The following FBP1 variants were observed in gnomAD, a reference collection of about 807,000 sequenced individuals.
FBP1 encodes fructose-bisphosphatase 1.
In FBP1, 22 loss-of-function variants were observed where a neutral mutation model predicts 29.9. The ratio of observed to expected loss-of-function variants is 0.74; its 90% CI spans 0.53 to 1.05. FBP1 has a LOEUF of 1.05. Ranked by LOEUF, FBP1 falls within the 50% of genes least tolerant of loss-of-function variation. The pLI is 0.00. For missense variants in FBP1, 345 were observed against 448.2 expected (o/e 0.77, Z 2.08); for synonymous variants, 175 against 178.6 (o/e 0.98, Z 0.16).
intron 6 of FBP1, among the ~76,000 whole-genome samples, chr9:94,604,765 C>T (rs746915674): frequency 3.3e-5 from 5 of 152,132 alleles, no homozygotes; most frequent in Non-Finnish European, 7.3e-5. Context: ...GCCTGGGCGA[C>T]GAGTAAGACT....
At chr9:94,620,562 C>A (rs1827932240) in intron 1 of FBP1, 71 bp from the exon 2 acceptor site, 9 of 1,440,064 alleles carry the variant, frequency 6.2e-6, no homozygotes, top group Non-Finnish European at 7.7e-6. Flanking sequence ...ATAAACCCAC[C>A]AAAAGTGAGT....
At position 94,620,534 on chromosome 9, in the gene FBP1, G is replaced by A; in HGVS notation, c.171-43C>T. On this transcript the variant is annotated intron_variant, in intron 1 of 6. Coordinates refer to ENST00000375326, the MANE Select transcript of FBP1 (RefSeq NM_000507.4). ...CACAAAAAATAAGCCATGACCACCA[G>A]AACATGTAGATGAGTCCATAAACCC... 1.9e-6 allele frequency: 3 copies of A among 1,599,346 alleles called. No individual in the cohort carries two copies. The Admixed American group carries it at 5.1e-5, about 27-fold the overall frequency.
At chr9:94,611,221 A>G (rs1015310589) in intron 3 of FBP1, among the ~76,000 whole-genome samples, 1 of 152,104 alleles carries the variant, frequency 6.6e-6, no homozygotes, top group African/African-American at 2.4e-5. Context: ...CCCCAAACAA[A>G]TCTTTCAGCT....
intron 1 of FBP1, among the ~76,000 whole-genome samples, chr9:94,633,666 C>T (rs1430728014): frequency 6.6e-6 from 1 of 152,142 alleles, no homozygotes; most frequent in African/African-American, 2.4e-5. Flanking sequence ...GCTCCACAGT[C>T]CTTCACCATG....
At chr9:94,630,091 T>C (rs899823140) in intron 1 of FBP1, among the ~76,000 whole-genome samples, 1 of 152,216 alleles carries the variant, frequency 6.6e-6, no homozygotes, top group African/African-American at 2.4e-5. Flanking sequence ...CACATCTGAA[T>C]GTGCCTCTGG....
chr9:94,639,098 G>C (rs1219412898), intron 1 of FBP1, 43 bp downstream of exon 1: 1 of 1,557,518 alleles, frequency 6.4e-7, no homozygotes, highest in East Asian at 2.4e-5. Flanking sequence ...GGCTCCCCAG[G>C]CAGACAGACA....
intron 3 of FBP1, among the ~76,000 whole-genome samples, chr9:94,613,171 T>G (rs1827810400): frequency 6.6e-6 from 1 of 152,004 alleles, no homozygotes; most frequent in African/African-American, 2.4e-5. Context: ...GCTTTTGTGG[T>G]GGGAGCTGTA....
At position 94,615,155 on chromosome 9, in the gene FBP1, G is replaced by A. The variant is rs989871730; in HGVS notation, c.426+2613C>T. Among the ~76,000 whole-genome samples, 7 of 152,060 alleles carry A rather than the reference G, an allele frequency of 4.6e-5. No homozygotes were observed. The East Asian group carries it at 7.7e-4, about 17-fold the overall frequency. On this transcript the variant is annotated intron_variant, in intron 3 of 6. Transcript: ENST00000375326. ...AATCTCCTGACCTCGTGATCCGCCC[G>A]CCTGGGCCTCCCAAAGTGCTGGGAT...
chr9:94,603,384 C>G lies in FBP1; in HGVS notation c.1014G>C (p.Gln338His). 1 of 1,613,298 alleles carries G rather than the reference C, an allele frequency of 6.2e-7. No individual in the cohort carries two copies. The change falls in exon 7 of 7, where the codon CAG (glutamine) becomes CAC (histidine). Residue 338 changes from glutamine to histidine, a missense_variant. Gln to His is a conservative substitution (Grantham distance 24). Transcript: ENST00000375326. ...CGGATGCAGGCAGGGCAGGTGCTCA[C>G]TGGGCAGAGTGCTTCTCATACACCT... ...FLKVYEKHSA[Q>H]
chr9:94,630,701 C>G (rs2131500515), intron 1 of FBP1, among the ~76,000 whole-genome samples: 1 of 152,320 alleles, frequency 6.6e-6, no homozygotes, highest in Non-Finnish European at 1.5e-5. Flanking sequence ...CCTCTAGCTC[C>G]CTTGGCATAA....
At chr9:94,609,798 T>A in intron 4 of FBP1, 123 bp downstream of exon 4, 1 of 1,089,328 alleles carries the variant, frequency 9.2e-7, no homozygotes, top group Non-Finnish European at 1.4e-6. Context: ...CCACACATCA[T>A]CATCTCTGTC....
At chr9:94,637,408 T>TTG (rs1554682615) in intron 1 of FBP1, among the ~76,000 whole-genome samples, 1 of 151,744 alleles carries the variant, frequency 6.6e-6, no homozygotes, top group Non-Finnish European at 1.5e-5. Context: ...TCTTTTTTTT[T>TTG]TTTTTTTAAG....
At chr9:94,611,749 T>A (rs1827789563) in intron 3 of FBP1, among the ~76,000 whole-genome samples, 1 of 152,150 alleles carries the variant, frequency 6.6e-6, no homozygotes, top group Non-Finnish European at 1.5e-5. Context: ...AGAACCTGCC[T>A]CTTTAAGAAA....
At chr9:94,639,682 G>A (rs1323205482), upstream of FBP1, among the ~76,000 whole-genome samples, 1 of 110,068 alleles carries the variant, frequency 9.1e-6, no homozygotes, top group Non-Finnish European at 1.9e-5. Context: ...CCCAACCCCC[G>A]CCCCCACGCG....
chr9:94,616,917 CCT>C (rs57093330), intron 3 of FBP1, among the ~76,000 whole-genome samples: 26 of 149,176 alleles, frequency 1.7e-4, no homozygotes, highest in African/African-American at 2.7e-4. Context: ...TCCTCTCTCT[CCT>C]CTCTCTCTCT....
chr9:94,629,224 C>T (rs1373620198), intron 1 of FBP1, among the ~76,000 whole-genome samples: 1 of 152,172 alleles, frequency 6.6e-6, no homozygotes, highest in Non-Finnish European at 1.5e-5. Context: ...CCACGATCCG[C>T]CCATCTTGGC....
intron 3 of FBP1, among the ~76,000 whole-genome samples, chr9:94,617,362 T>G (rs1827878858): frequency 1.3e-5 from 2 of 152,230 alleles, no homozygotes; most frequent in Admixed American, 1.3e-4. Flanking sequence ...AGCCCGGGGC[T>G]CATAGCTTAT....
At position 94,609,950 on chromosome 9, in the gene FBP1, A is replaced by C; in HGVS notation, c.538T>G (p.Cys180Gly). Residue 180 changes from cysteine to glycine, a missense_variant, in exon 4 of 7, where the codon TGT becomes GGT. Transcript: ENST00000375326. The part of the protein sequence containing the change: ...SATMLVLAMD[C>G]GVNCFMLDPA... ...TCCAGCATGAAGCAGTTGACCCCAC[A>C]GTCCATGGCAAGGACCAGCATGGTG... 6.2e-7 allele frequency: 1 copy of C among 1,614,206 alleles called. No homozygotes were observed. The highest frequency in any genetic ancestry group is 8.5e-7 in the Non-Finnish European group (1 of 1,180,032).
chr9:94,605,691 G>T, intron 5 of FBP1, 115 bp from the exon 6 acceptor site: 1 of 1,030,238 alleles, frequency 9.7e-7, no homozygotes, highest in Non-Finnish European at 1.5e-6. Flanking sequence ...TACAAGGTAT[G>T]TATTTGGGGC....
Sources: allele counts gnomAD v4.1 joint callset (sites outside exome capture counted in the v4.1 genomes callset), GRCh38; gene constraint gnomAD v4.1.1; transcripts MANE v1.5; gene names NCBI Gene and HGNC (gene_info 2026-07-23, HGNC 2026-07-21).